MYO16: variants seen among roughly 807,000 people sequenced by gnomAD.
The protein encoded by MYO16 is unconventional myosin-XVI.
A neutral mutation model predicts 205.3 loss-of-function variants in MYO16; 94 were observed. That is an observed-to-expected ratio of 0.46 (90% CI 0.39 to 0.54). The LOEUF (loss-of-function observed/expected upper bound fraction) is 0.54, where lower values mean the gene tolerates loss of function less well. Ranked by LOEUF, MYO16 falls within the 20% of genes least tolerant of loss-of-function variation. The pLI, the probability that MYO16 is intolerant of heterozygous loss-of-function variation, is 0.00. For synonymous variants in MYO16, 988 were observed against 954.0 expected (o/e 1.04, Z -0.66); for missense variants, 2,315 against 2,387.5 (o/e 0.97, Z 0.63).
At chr13:109,139,687 C>T (rs1407943970) in intron 31 of MYO16, among the ~76,000 whole-genome samples, 2 of 142,822 alleles carry the variant, frequency 1.4e-5, no homozygotes, top group Non-Finnish European at 3.1e-5. Flanking sequence ...GTGAAAGGGT[C>T]GTAATAGATA....
intron 20 of MYO16, among the ~76,000 whole-genome samples, chr13:108,972,243 CTCTCTCTATATATATATATA>C (rs1162302929): frequency 1.7e-4 from 2 of 11,510 alleles, no homozygotes; most frequent in African/African-American, 2.9e-4. Context: ...CTCTCTCTCT[CTCTCTCTATATATATATATA>C]TATATATATA....
intron 28 of MYO16, among the ~76,000 whole-genome samples, chr13:109,117,112 C>A (rs756234191): frequency 1.4e-5 from 2 of 144,832 alleles, no homozygotes; most frequent in African/African-American, 2.5e-5. Flanking sequence ...CTATCACCTG[C>A]CACCTTCTGT....
chr13:108,836,609 T>TA (rs146994037), intron 9 of MYO16, among the ~76,000 whole-genome samples: 3,082 of 152,234 alleles, frequency 0.02, 96 homozygotes, highest in African/African-American at 0.071. Context: ...TGCAGGGCCA[T>TA]ACCCAGCAAA....
chr13:108,561,760 G>T, the MYO16 span, among the ~76,000 whole-genome samples: 7 of 152,094 alleles, frequency 4.6e-5, no homozygotes, highest in Non-Finnish European at 7.4e-5. Flanking sequence ...ATTCTTAAGG[G>T]AAAAAATGCA....
intron 27 of MYO16, among the ~76,000 whole-genome samples, chr13:109,068,198 A>G (rs1887813781): frequency 6.6e-6 from 1 of 152,238 alleles, no homozygotes; most frequent in African/African-American, 2.4e-5. Flanking sequence ...TAAAAAATGC[A>G]ATATCAGATT....
intron 1 of MYO16, among the ~76,000 whole-genome samples, chr13:108,610,092 A>T (rs184596524): frequency 1.1e-3 from 166 of 152,312 alleles, no homozygotes; most frequent in Middle Eastern, 3.4e-3. Flanking sequence ...TGAAACGGGT[A>T]TCCAGGCTTA....
chr13:109,035,661 G>A (rs1287992559), intron 23 of MYO16, among the ~76,000 whole-genome samples: 1 of 152,130 alleles, frequency 6.6e-6, no homozygotes, highest in East Asian at 1.9e-4. Flanking sequence ...TCCAGCGCGG[G>A]TGACAAAGTG....
intron 21 of MYO16, among the ~76,000 whole-genome samples, chr13:108,993,527 A>T: frequency 6.6e-6 from 1 of 152,276 alleles, no homozygotes; most frequent in East Asian, 1.9e-4. Context: ...TTTAGATGTT[A>T]ATTACGCTGA....
intron 1 of MYO16, among the ~76,000 whole-genome samples, chr13:108,641,219 A>C (rs1006051210): frequency 6.6e-6 from 1 of 152,218 alleles, no homozygotes; most frequent in Non-Finnish European, 1.5e-5. Flanking sequence ...TCAATGCTGC[A>C]TTCTAACTAC....
intron 3 of MYO16, among the ~76,000 whole-genome samples, chr13:108,716,047 C>T (rs1028155555): frequency 2.0e-5 from 3 of 151,878 alleles, no homozygotes; most frequent in Non-Finnish European, 2.9e-5. Flanking sequence ...GATCTTGTCA[C>T]AATAGATTAT....
chr13:109,101,892 A>G (rs1888978787), intron 28 of MYO16: 2 of 152,210 alleles, frequency 1.3e-5, no homozygotes, highest in African/African-American at 4.8e-5. Flanking sequence ...GGCTTTAGAA[A>G]TGACATGAGC....
intron 21 of MYO16, among the ~76,000 whole-genome samples, chr13:109,007,110 C>T (rs921956569): frequency 6.6e-6 from 1 of 152,122 alleles, no homozygotes; most frequent in South Asian, 2.1e-4. Context: ...CACTGCTAGC[C>T]AGGGGCGGTG....
At chr13:108,532,356 T>C in the MYO16 span, among the ~76,000 whole-genome samples, 1 of 152,044 alleles carries the variant, frequency 6.6e-6, no homozygotes, top group Non-Finnish European at 1.5e-5. Context: ...TGGAATTTAT[T>C]GGTTATCTTC....
chr13:109,181,842 C>T (rs1467833287), intron 34 of MYO16, among the ~76,000 whole-genome samples: 1 of 147,918 alleles, frequency 6.8e-6, no homozygotes, highest in Non-Finnish European at 1.5e-5. Flanking sequence ...TTTTTTGAGA[C>T]AGAGTTTAAC....
rs1178345437 is a variant in MYO16 at position 108,972,249 on chromosome 13, C to CTCTCTCTCTCTATA, written c.2369+7348_2369+7349insCTCTCTCTCTATAT. The stretch of plus-strand genomic sequence containing the variant: ...TCTCTCTCTCTCTCTCTCTCTCTCT[C>CTCTCTCTCTCTATA]TATATATATATATATATATATATAT... On this transcript the variant is annotated intron_variant, in intron 20 of 34. Transcript: ENST00000457511. Among the ~76,000 whole-genome samples the CTCTCTCTCTCTATA allele has an allele frequency of 2.1e-3, 6 of 2,850 alleles. 1 individual carries two copies. Among genetic ancestry groups the CTCTCTCTCTCTATA allele is most frequent in the Non-Finnish European group, 3.5e-3 (6 of 1,696 alleles). 1.9% of individuals were successfully genotyped at this position (2,850 alleles called of 152,430 possible). A position where few individuals can be genotyped will look rare whatever the true frequency, so the allele number is the denominator to read the frequency against.
chr13:108,825,566 C>A (rs1876212684), intron 9 of MYO16, among the ~76,000 whole-genome samples: 1 of 135,218 alleles, frequency 7.4e-6, no homozygotes, highest in African/African-American at 2.6e-5. Flanking sequence ...TTAGCTTGAG[C>A]AACCTAGCAA....
intron 1 of MYO16, among the ~76,000 whole-genome samples, chr13:108,599,812 G>T (rs1160842362): frequency 6.6e-6 from 1 of 152,162 alleles, no homozygotes; most frequent in Non-Finnish European, 1.5e-5. Flanking sequence ...CCAGTTTTGG[G>T]TTGAGAGAGT....
chr13:108,768,434 G>A (rs1885852612), intron 4 of MYO16, among the ~76,000 whole-genome samples: 1 of 152,110 alleles, frequency 6.6e-6, no homozygotes, highest in Non-Finnish European at 1.5e-5. Flanking sequence ...TTCTAGAATG[G>A]CAACTTTTGT....
At chr13:109,144,810 T>C (rs982694548) in intron 32 of MYO16, among the ~76,000 whole-genome samples, 5 of 152,236 alleles carry the variant, frequency 3.3e-5, no homozygotes, top group Non-Finnish European at 7.3e-5. Flanking sequence ...GAGATTAAAC[T>C]GCTCAGTAAT....
Sources: allele counts gnomAD v4.1 joint callset (sites outside exome capture counted in the v4.1 genomes callset), GRCh38; gene constraint gnomAD v4.1.1; transcripts MANE v1.5; gene names NCBI Gene and HGNC (gene_info 2026-07-23, HGNC 2026-07-21).